Variants in CNTN4 observed in about 807,000 individuals in gnomAD.
The protein encoded by CNTN4 is contactin-4.
A neutral mutation model predicts 122.5 loss-of-function variants in CNTN4; 77 were observed. That is an observed-to-expected ratio of 0.63 (90% CI 0.52 to 0.76). The LOEUF (loss-of-function observed/expected upper bound fraction) is 0.76, where lower values mean the gene tolerates loss of function less well. CNTN4 is among the 30% of genes least tolerant of loss of function. The probability of loss-of-function intolerance (pLI) is 0.00; values close to 1 mark genes in which losing one functional copy is unlikely to be tolerated. For synonymous variants in CNTN4, 512 were observed against 447.0 expected (o/e 1.15, Z -1.83); for missense variants, 1,256 against 1,259.1 (o/e 1.00, Z 0.04).
At chr3:2,136,974 A>G (rs548072382) in intron 2 of CNTN4, among the ~76,000 whole-genome samples, 2 of 152,362 alleles carry the variant, frequency 1.3e-5, no homozygotes, top group African/African-American at 4.8e-5. Context: ...CCCCCCGAAG[A>G]AAACAACCCA....
intron 6 of CNTN4, among the ~76,000 whole-genome samples, chr3:2,799,992 G>C (rs886456478): frequency 5.3e-5 from 8 of 151,266 alleles, no homozygotes; most frequent in Non-Finnish European, 1.0e-4. Flanking sequence ...CTTGATCTAT[G>C]TGTCTATTTT....
chr3:3,007,059 GC>G (rs1380835511), intron 14 of CNTN4, among the ~76,000 whole-genome samples: 4 of 152,180 alleles, frequency 2.6e-5, no homozygotes, highest in Non-Finnish European at 5.9e-5. Flanking sequence ...TTTTGTAGCA[GC>G]ACTGAAGTCT....
chr3:2,144,695 G>T (rs1211856269), intron 2 of CNTN4, among the ~76,000 whole-genome samples: 1 of 152,068 alleles, frequency 6.6e-6, no homozygotes, highest in Non-Finnish European at 1.5e-5. Flanking sequence ...CTTAAACCTG[G>T]AATTGAGAAC....
chr3:2,430,154 TG>T (rs1458297286), intron 3 of CNTN4, among the ~76,000 whole-genome samples: 6 of 152,050 alleles, frequency 3.9e-5, no homozygotes, highest in Non-Finnish European at 8.8e-5. Flanking sequence ...CCGGGCTCAG[TG>T]GCTCACACCT....
In CNTN4 at chr3:2,400,202, C is replaced by T. The variant is rs114712055; in HGVS notation, c.-89+60969C>T. ...GAAGCTTTCCTGTGTAACCCTACCA[C>T]GAAATAATATTTTTCTACTTTAAAC... On this transcript the variant is annotated intron_variant, in intron 3 of 24. Transcript: ENST00000418658. Among the ~76,000 whole-genome samples the T allele has an allele frequency of 7.8e-3, 1,181 of 151,608 alleles. 24 individuals carry two copies. The highest frequency in any genetic ancestry group is 0.027 in the African/African-American group (1,117 of 41,424).
intron 3 of CNTN4, among the ~76,000 whole-genome samples, chr3:2,379,301 A>G (rs2045934377): frequency 6.7e-6 from 1 of 150,076 alleles, no homozygotes; most frequent in Non-Finnish European, 1.5e-5. Context: ...TTTACCCTGC[A>G]GATGGTTACC....
intron 8 of CNTN4, 26 bp downstream of exon 8, chr3:2,866,975 T>C: frequency 6.3e-7 from 1 of 1,598,400 alleles, no homozygotes; most frequent in Non-Finnish European, 8.6e-7. Context: ...ATTTTGTTAA[T>C]TTTGTTTCTG....
intron 2 of CNTN4, among the ~76,000 whole-genome samples, chr3:2,289,509 C>T (rs186588690): frequency 6.6e-5 from 10 of 152,258 alleles, no homozygotes; most frequent in Admixed American, 3.9e-4. Context: ...GTTCATTAAA[C>T]GTTGCTGTTA....
At chr3:2,849,222 G>T (rs1470146395) in intron 7 of CNTN4, among the ~76,000 whole-genome samples, 1 of 152,152 alleles carries the variant, frequency 6.6e-6, no homozygotes, top group Non-Finnish European at 1.5e-5. Context: ...CAAGAAGAAT[G>T]CCTGAACCTA....
At chr3:2,582,575 C>A (rs1474869857) in intron 4 of CNTN4, among the ~76,000 whole-genome samples, 1 of 152,126 alleles carries the variant, frequency 6.6e-6, no homozygotes, top group Non-Finnish European at 1.5e-5. Flanking sequence ...AAGCACAAAC[C>A]TTCCTCAGAG....
chr3:2,779,437 A>T (rs1290982899), intron 6 of CNTN4, among the ~76,000 whole-genome samples: 1 of 152,116 alleles, frequency 6.6e-6, no homozygotes, highest in Non-Finnish European at 1.5e-5. Flanking sequence ...GGGCTCAAGC[A>T]ATCTTCCTGC....
At chr3:2,637,676 T>G (rs1176720978) in intron 4 of CNTN4, among the ~76,000 whole-genome samples, 1 of 152,200 alleles carries the variant, frequency 6.6e-6, no homozygotes, top group Admixed American at 6.5e-5. Flanking sequence ...GCCCTGCTTA[T>G]TCAACTCCTA....
In CNTN4 at chr3:2,129,629, T is replaced by A. The variant is rs1195149842; in HGVS notation, c.-145+28990T>A. Among the ~76,000 whole-genome samples the A allele has an allele frequency of 3.9e-5, 6 of 152,040 alleles. No individual in the cohort carries two copies. The East Asian group carries it at 1.2e-3, about 30-fold the overall frequency. On this transcript the variant is annotated intron_variant, in intron 2 of 24. Coordinates refer to ENST00000418658, the MANE Select transcript of CNTN4 (RefSeq NM_175607.3). ...AAATTCATGAAAACCAAAAATATGC[T>A]GGAGACTTTGGAGAGAAGCTCTTCA...
At chr3:2,142,836 T>C (rs1415019087) in intron 2 of CNTN4, among the ~76,000 whole-genome samples, 1 of 152,206 alleles carries the variant, frequency 6.6e-6, no homozygotes, top group Non-Finnish European at 1.5e-5. Flanking sequence ...TAATGTGAGA[T>C]CTTGAGAGAG....
intron 6 of CNTN4, among the ~76,000 whole-genome samples, chr3:2,816,953 G>C (rs1302739870): frequency 6.6e-6 from 1 of 151,814 alleles, no homozygotes; most frequent in Non-Finnish European, 1.5e-5. Flanking sequence ...GCTTAATCAT[G>C]AGTGTACAAA....
chr3:2,655,102 C>T (rs896179065), intron 4 of CNTN4, among the ~76,000 whole-genome samples: 8 of 152,116 alleles, frequency 5.3e-5, no homozygotes, highest in Non-Finnish European at 1.0e-4. Context: ...AAGGGTCCCA[C>T]CCTATAAGTG....
chr3:2,623,189 A>G (rs1292344885), intron 4 of CNTN4, among the ~76,000 whole-genome samples: 1 of 152,044 alleles, frequency 6.6e-6, no homozygotes, highest in Non-Finnish European at 1.5e-5. Flanking sequence ...GGGCCTGCAA[A>G]TAGTAAATAT....
At chr3:2,294,188 A>G (rs1350906802) in intron 2 of CNTN4, among the ~76,000 whole-genome samples, 1 of 151,902 alleles carries the variant, frequency 6.6e-6, no homozygotes, top group African/African-American at 2.4e-5. Context: ...TTTTATTCCT[A>G]GTGTAAATCA....
At chr3:2,724,906 G>C (rs983086615) in intron 4 of CNTN4, among the ~76,000 whole-genome samples, 2 of 151,934 alleles carry the variant, frequency 1.3e-5, no homozygotes, top group Non-Finnish European at 2.9e-5. Context: ...TTGGCTCTTG[G>C]GAGCGTTGGA....
Sources: allele counts gnomAD v4.1 joint callset (sites outside exome capture counted in the v4.1 genomes callset), GRCh38; gene constraint gnomAD v4.1.1; transcripts MANE v1.5; gene names NCBI Gene and HGNC (gene_info 2026-07-23, HGNC 2026-07-21).